CERCAM: variants seen among roughly 807,000 people sequenced by gnomAD.
CERCAM encodes inactive glycosyltransferase 25 family member 3.
In CERCAM, 59 loss-of-function variants were observed where a neutral mutation model predicts 66.0. The ratio of observed to expected loss-of-function variants is 0.89; its 90% CI spans 0.73 to 1.11. The LOEUF is 1.11. Among genes scored for constraint, CERCAM ranks in the 50% most tolerant of loss-of-function variants. CERCAM has a pLI of 0.00. For synonymous variants in CERCAM, 318 were observed against 343.6 expected, an observed-to-expected ratio of 0.93 and a Z score of 0.83; for missense variants, 840 against 828.3, an observed-to-expected ratio of 1.01 and a Z score of -0.17.
At position 128,434,225 on chromosome 9, in the gene CERCAM, C is replaced by T; in HGVS notation, c.1327C>T (p.Leu443=). The stretch of plus-strand genomic sequence containing the variant: ...GGAGGCAGAGAAACTGTCTTGGGAC[C>T]TGATGTAGGCAGCCTGCACCCTCAG... ...DVEAEKLSWD[L]IYLGRKQVNP... The change falls in exon 10 of 13, where the codon CTG becomes TTG. Residue 443 remains leucine (L), a synonymous_variant. Coordinates refer to ENST00000372838, the MANE Select transcript of CERCAM (RefSeq NM_016174.5). This position sits in a 1 kb window ranked among gnomAD's most constrained non-coding sequence, Gnocchi z 4.5. 1 of 1,614,016 alleles carries T rather than the reference C, an allele frequency of 6.2e-7. No individual in the cohort carries two copies. Among genetic ancestry groups the T allele is most frequent in the East Asian group, 2.2e-5 (1 of 44,874 alleles).
At position 128,437,077 on chromosome 9, in the gene CERCAM, C is replaced by G. The variant is rs1486577777; in HGVS notation, c.*229C>G. On this transcript the variant is annotated 3_prime_UTR_variant, in exon 13 of 13. Coordinates refer to ENST00000372838, the MANE Select transcript of CERCAM (RefSeq NM_016174.5). ...GAGCAGGACTCCCAGGCCCCTGTAC[C>G]CTGCCTGGCCTGATTCAGGGCCTTG... 1 of 152,406 alleles carries G rather than the reference C, an allele frequency of 6.6e-6. No homozygotes were observed. The highest frequency in any genetic ancestry group is 1.5e-5 in the Non-Finnish European group (1 of 68,088). 9.4% of individuals were successfully genotyped at this position (152,406 alleles called of 1,614,324 possible).
chr9:128,434,124 G>A lies in CERCAM; in HGVS notation c.1226G>A (p.Arg409Gln), dbSNP rs147009468. The change falls in exon 10 of 13, where the codon CGG becomes CAG. Residue 409 changes from arginine to glutamine, a missense_variant. Arg to Gln is a conservative substitution (Grantham distance 43). Coordinates refer to ENST00000372838, the MANE Select transcript of CERCAM (RefSeq NM_016174.5). This position sits in a 1 kb window ranked among gnomAD's most constrained non-coding sequence, Gnocchi z 4.5. ...WEEVVARGLA[R>Q]VLVFEDDVRF... is the part of the protein sequence containing the mutation. ...CAGGTGGTTGCCAGGGGCCTGGCCC[G>A]GGTCCTGGTGTTTGAGGATGACGTG... The A allele has an allele frequency of 1.3e-5, 21 of 1,613,996 alleles. No homozygotes were observed. In the South Asian group the frequency reaches 1.3e-4, roughly 10 times the overall value.
chr9:128,424,554 C>G lies in CERCAM; in HGVS notation c.706C>G (p.Pro236Ala), dbSNP rs1285647954. The G allele has an allele frequency of 1.2e-6, 2 of 1,614,072 alleles. No homozygotes were observed. The highest frequency in any genetic ancestry group is 1.3e-5 in the African/African-American group (1 of 74,928). The change falls in exon 5 of 13, where the codon CCC (proline) becomes GCC (alanine). Residue 236 changes from proline to alanine, a missense_variant. Physicochemically the swap from Pro to Ala is conservative, Grantham distance 27 (BLOSUM62 -1). Transcript: ENST00000372838. ...ADQLAFYPPH[P>A]NYTWPFDDII... ...CCAGCTTGCTTTCTACCCGCCACAT[C>G]CCAACTACACTTGGCCTTTCGACGA...
At position 128,434,227 on chromosome 9, in the gene CERCAM, G is replaced by A; in HGVS notation, c.1329G>A (p.Leu443=). The A allele has an allele frequency of 6.2e-7, 1 of 1,614,012 alleles. No homozygotes were observed. Among genetic ancestry groups the A allele is most frequent in the Non-Finnish European group, 8.5e-7 (1 of 1,179,980 alleles). ...AGGCAGAGAAACTGTCTTGGGACCT[G>A]ATGTAGGCAGCCTGCACCCTCAGGG... The part of the protein sequence containing the change: ...DVEAEKLSWD[L]IYLGRKQVNP... Residue 443 remains leucine (L), a splice_region_variant and synonymous_variant, in exon 10 of 13, where the codon CTG becomes CTA. Coordinates refer to ENST00000372838, the MANE Select transcript of CERCAM (RefSeq NM_016174.5). This position sits in a 1 kb window ranked among gnomAD's most constrained non-coding sequence, Gnocchi z 4.5.
At chr9:128,433,992 A>G (rs1260045891) in intron 9 of CERCAM, 110 bp from the exon 10 acceptor site, 107 of 1,446,714 alleles carry the variant, frequency 7.4e-5, no homozygotes, top group Non-Finnish European at 9.7e-5. Flanking sequence ...GGGCAACTGC[A>G]TGATGTGGCC....
chr9:128,434,465 C>T lies in CERCAM; in HGVS notation c.1387C>T (p.Pro463Ser). 6 of 1,613,950 alleles carry T rather than the reference C, an allele frequency of 3.7e-6. No individual in the cohort carries two copies. Among genetic ancestry groups the T allele is most frequent in the Non-Finnish European group, 5.1e-6 (6 of 1,180,004 alleles). Residue 463 changes from proline (P) to serine (S), a missense_variant, in exon 11 of 13, where the codon CCG (proline) becomes TCG (serine). Transcript: ENST00000372838. The surrounding 1 kb of genome is among the most constrained non-coding windows in gnomAD (Gnocchi z 4.5). ...PEKETAVEGLPGLVVAGYSYW... is the reference protein window; with the variant it reads ...PEKETAVEGLSGLVVAGYSYW... ...GAAGGAGACGGCCGTGGAGGGGCTGCCGGGCCTGGTGGTGGCTGGGTACTC... is the reference window on the plus strand; with the variant it reads ...GAAGGAGACGGCCGTGGAGGGGCTGTCGGGCCTGGTGGTGGCTGGGTACTC...
chr9:128,431,061 C>T, intron 8 of CERCAM, 110 bp from the exon 9 acceptor site: 1 of 1,333,342 alleles, frequency 7.5e-7, no homozygotes, highest in Non-Finnish European at 1.0e-6. Flanking sequence ...AAGGCAGAAA[C>T]CTTCTTCAAA....
chr9:128,428,443 C>T, intron 6 of CERCAM, 22 bp downstream of exon 6: 1 of 1,612,986 alleles, frequency 6.2e-7, no homozygotes. Flanking sequence ...GGAACTGTTC[C>T]ACCCACCTGC....
intron 9 of CERCAM, among the ~76,000 whole-genome samples, chr9:128,433,606 C>T (rs188543284): frequency 3.2e-4 from 49 of 152,148 alleles, no homozygotes; most frequent in Admixed American, 6.6e-4. Flanking sequence ...GGCCATTTCA[C>T]TCCAGTCTGG....
At chr9:128,431,406 A>G (rs1276770451) in intron 9 of CERCAM, 103 bp downstream of exon 9, 4 of 1,474,840 alleles carry the variant, frequency 2.7e-6, no homozygotes, top group Admixed American at 1.9e-5. Context: ...GACATTCATC[A>G]AAACCTGGCC....
intron 8 of CERCAM, among the ~76,000 whole-genome samples, chr9:128,430,059 C>T (rs1376981990): frequency 2.6e-5 from 4 of 152,078 alleles, no homozygotes; most frequent in Non-Finnish European, 5.9e-5. Flanking sequence ...CTGCCTCAGC[C>T]TCCTGAATAA....
chr9:128,429,839 A>C (rs1248548078), intron 8 of CERCAM, among the ~76,000 whole-genome samples: 1 of 151,294 alleles, frequency 6.6e-6, no homozygotes, highest in Non-Finnish European at 1.5e-5. Context: ...CCAGGCCTGG[A>C]GTGCAGTGGC....
chr9:128,434,302 C>A lies in CERCAM; in HGVS notation c.1331+73C>A, dbSNP rs1264316356. 9.4e-6 allele frequency: 15 copies of A among 1,603,512 alleles called. No homozygotes were observed. Among genetic ancestry groups the A allele is most frequent in the African/African-American group, 4.0e-5 (3 of 74,776 alleles). On this transcript the variant is annotated intron_variant, in intron 10 of 12. Transcript: ENST00000372838. The surrounding 1 kb of genome is among the most constrained non-coding windows in gnomAD (Gnocchi z 4.5). ...GAGTCTGCCTTTTCCTGCTTGGGAC[C>A]CTGGCCGGCCCATCCCCTGAGAGCC...
At chr9:128,426,027 A>G (rs911939128) in intron 5 of CERCAM, among the ~76,000 whole-genome samples, 11 of 144,438 alleles carry the variant, frequency 7.6e-5, no homozygotes, top group South Asian at 4.4e-4. Context: ...CTGGTCTTGA[A>G]CTCCTGGGCT....
In CERCAM at chr9:128,436,916, G is replaced by A. The variant is rs1834126052; in HGVS notation, c.*68G>A. ...TACTGCCCAGAGAGCAGAGGAGGAG[G>A]TTGTTGGCAGGGACTGCAGATCCTG... On this transcript the variant is annotated 3_prime_UTR_variant, in exon 13 of 13. Transcript: ENST00000372838. 1 of 152,280 alleles carries A rather than the reference G, an allele frequency of 6.6e-6. No individual in the cohort carries two copies. Among genetic ancestry groups the A allele is most frequent in the Non-Finnish European group, 1.5e-5 (1 of 68,094 alleles). The allele number at this position is 152,280 out of a possible 1,614,324, so 9.4% of individuals were successfully genotyped here.
At chr9:128,423,532 G>T (rs918751202) in intron 3 of CERCAM, among the ~76,000 whole-genome samples, 7 of 151,566 alleles carry the variant, frequency 4.6e-5, no homozygotes, top group African/African-American at 1.5e-4. Context: ...CATGAGAATG[G>T]CATGAACCTG....
chr9:128,436,610 C>T (rs978957895), intron 12 of CERCAM, among the ~76,000 whole-genome samples: 2 of 152,032 alleles, frequency 1.3e-5, no homozygotes, highest in Non-Finnish European at 2.9e-5. Flanking sequence ...CAACTCCTGA[C>T]CTCAAATGAT....
At chr9:128,426,226 C>A (rs1005996452) in intron 5 of CERCAM, among the ~76,000 whole-genome samples, 41 of 151,948 alleles carry the variant, frequency 2.7e-4, no homozygotes, top group Admixed American at 1.3e-4. Flanking sequence ...GTAGAGACTG[C>A]AGTAAACTGT....
Position 128,428,349 on chromosome 9 carries a change from G to T in CERCAM, c.814G>T (p.Val272Leu). ...CNEHRYGYMN[V>L]PVKSHQGLED... ...TGAGCACCGTTATGGGTACATGAAT[G>T]TGCCGGTGAAATCCCACCAGGGGCT... The change falls in exon 6 of 13, where the codon GTG becomes TTG. Residue 272 changes from valine (V) to leucine (L), a missense_variant. Coordinates refer to ENST00000372838, the MANE Select transcript of CERCAM (RefSeq NM_016174.5). 1 of 1,614,146 alleles carries T rather than the reference G, an allele frequency of 6.2e-7. No individual in the cohort carries two copies. Among genetic ancestry groups the T allele is most frequent in the Non-Finnish European group, 8.5e-7 (1 of 1,180,014 alleles).
Sources: allele counts gnomAD v4.1 joint callset (sites outside exome capture counted in the v4.1 genomes callset), GRCh38; gene constraint gnomAD v4.1.1; non-coding constraint Gnocchi (gnomAD v3.1); transcripts MANE v1.5; gene names NCBI Gene and HGNC (gene_info 2026-07-23, HGNC 2026-07-21).